Variants in AKAP12 observed in about 807,000 individuals in gnomAD.
The protein encoded by AKAP12 is A-kinase anchor protein 12.
In AKAP12, 32 loss-of-function variants were observed where a neutral mutation model predicts 79.9. The observed-to-expected ratio is 0.40, with a 90% CI of 0.30 to 0.54. The LOEUF (loss-of-function observed/expected upper bound fraction) is 0.54, where lower values mean the gene tolerates loss of function less well. Among genes scored for constraint, AKAP12 ranks in the 20% least tolerant of loss-of-function variants. The pLI is 0.48. For missense variants in AKAP12, 2,074 were observed against 2,177.0 expected (o/e 0.95, Z 0.94); for synonymous variants, 808 against 857.0 (o/e 0.94, Z 1.00).
intron 2 of AKAP12, among the ~76,000 whole-genome samples, chr6:151,256,962 A>ATATATATATATATATATATATATATATAT (rs1554319585): frequency 1.8e-4 from 27 of 151,130 alleles, no homozygotes; most frequent in African/African-American, 3.7e-4. Flanking sequence ...ATATATATAT[A>ATATATATATATATATATATATATATATAT]AACTTTAAAT....
In AKAP12 at chr6:151,351,063, T is replaced by A; in HGVS notation, c.2672T>A (p.Met891Lys). Reference sequence around the variant, plus strand: ...GAGCTCAGCGAGAGTCAGGTTCATATGATGGCAGCAGCTGTCGCTGACGGG... The same window carrying A: ...GAGCTCAGCGAGAGTCAGGTTCATAAGATGGCAGCAGCTGTCGCTGACGGG... ...SKELSESQVHMMAAAVADGTR... is the reference protein window; with the variant it reads ...SKELSESQVHKMAAAVADGTR... Residue 891 changes from methionine to lysine, a missense_variant, in exon 4 of 5, where the codon ATG (methionine) becomes AAG (lysine). By Grantham distance (95) the Met-to-Lys change is moderately conservative. Coordinates refer to ENST00000402676, the MANE Select transcript of AKAP12 (RefSeq NM_005100.4). This position sits in a 1 kb window ranked among gnomAD's most constrained non-coding sequence, Gnocchi z 4.4. 1 of 1,614,134 alleles carries A rather than the reference T, an allele frequency of 6.2e-7. No individual in the cohort carries two copies. The highest frequency in any genetic ancestry group is 8.5e-7 in the Non-Finnish European group (1 of 1,180,038).
At chr6:151,341,937 C>T (rs935326961) in intron 3 of AKAP12, among the ~76,000 whole-genome samples, 7 of 152,224 alleles carry the variant, frequency 4.6e-5, no homozygotes, top group African/African-American at 1.7e-4. Flanking sequence ...CTTGATCTTG[C>T]CCCAGCCCCC....
At chr6:151,296,682 C>T (rs146469388) in intron 2 of AKAP12, among the ~76,000 whole-genome samples, 98 of 152,244 alleles carry the variant, frequency 6.4e-4, no homozygotes, top group African/African-American at 2.3e-3. Context: ...GAGGCTGAAA[C>T]GGGAGAATCT....
At chr6:151,312,793 C>CAAAAAAAAAAAAAAAAAAAAAAAA (rs55685824) in intron 3 of AKAP12, among the ~76,000 whole-genome samples, 10 of 72,996 alleles carry the variant, frequency 1.4e-4, no homozygotes, top group East Asian at 7.8e-4. Flanking sequence ...ACTCTGTCTC[C>CAAAAAAAAAAAAAAAAAAAAAAAA]AAAAAAAAAA....
intron 3 of AKAP12, 42 bp downstream of exon 3, chr6:151,305,945 C>G (rs753676567): frequency 6.4e-7 from 1 of 1,559,940 alleles, no homozygotes; most frequent in Non-Finnish European, 8.7e-7. Context: ...ACAGCACTTG[C>G]AACAAACTTT....
At chr6:151,317,437 A>G (rs1777261734) in intron 3 of AKAP12, among the ~76,000 whole-genome samples, 1 of 152,206 alleles carries the variant, frequency 6.6e-6, no homozygotes, top group Admixed American at 6.5e-5. Context: ...ACATCTCCCG[A>G]GAAAATAACC....
intron 3 of AKAP12, among the ~76,000 whole-genome samples, chr6:151,314,967 G>T (rs1219643451): frequency 6.6e-6 from 1 of 151,362 alleles, no homozygotes; most frequent in African/African-American, 2.4e-5. Flanking sequence ...CAGGAGAATC[G>T]CTTGAACCCG....
chr6:151,301,003 G>C (rs746831506), intron 2 of AKAP12, among the ~76,000 whole-genome samples: 1 of 152,172 alleles, frequency 6.6e-6, no homozygotes, highest in Admixed American at 6.5e-5. Context: ...AAAGCTATGC[G>C]AGGAAGCTTC....
chr6:151,294,467 T>C (rs995891075), intron 2 of AKAP12, among the ~76,000 whole-genome samples: 5 of 152,216 alleles, frequency 3.3e-5, no homozygotes, highest in African/African-American at 1.2e-4. Context: ...AGACTTGGTC[T>C]AGGATTCACA....
In AKAP12 at chr6:151,352,257, A is replaced by C; in HGVS notation, c.3866A>C (p.Asp1289Ala). 6.2e-7 allele frequency: 1 copy of C among 1,614,216 alleles called. No homozygotes were observed. Among genetic ancestry groups the C allele is most frequent in the South Asian group, 1.1e-5 (1 of 91,076 alleles). Residue 1289 changes from aspartate to alanine, a missense_variant, in exon 4 of 5, where the codon GAC (aspartate) becomes GCC (alanine). By Grantham distance (126) the Asp-to-Ala change is moderately radical. Transcript: ENST00000402676. ...PFFEGLEGSI[D>A]TGITVSREKV... The stretch of plus-strand genomic sequence containing the variant: ...TTCGAAGGACTTGAGGGGTCTATAG[A>C]CACAGGCATAACAGTCAGTCGGGAA...
intron 2 of AKAP12, among the ~76,000 whole-genome samples, chr6:151,289,202 T>C (rs565041484): frequency 1.5e-4 from 23 of 152,278 alleles, no homozygotes; most frequent in Admixed American, 7.9e-4. Context: ...TCACTGCCCT[T>C]CTCCGACAGA....
rs1428688531 is a variant in AKAP12 at position 151,349,385 on chromosome 6, C to A, written c.994C>A (p.Pro332Thr). 1.2e-6 allele frequency: 2 copies of A among 1,613,598 alleles called. No individual in the cohort carries two copies. Among genetic ancestry groups the A allele is most frequent in the Middle Eastern group, 1.7e-4 (1 of 6,058 alleles). The change falls in exon 4 of 5, where the codon CCA becomes ACA. Residue 332 changes from proline (P) to threonine (T), a missense_variant. Physicochemically the swap from Pro to Thr is conservative, Grantham distance 38. This residue lies in a region of AKAP12 where 1,428 missense variants were observed against 1,451.0 expected (regional missense o/e 0.98). Transcript: ENST00000402676. Reference protein sequence around the residue: ...EASEKKKEQEPEKVDTEEDGK... With the variant: ...EASEKKKEQETEKVDTEEDGK... ...TTCAGAGAAGAAAAAGGAACAAGAG[C>A]CAGAAAAAGTAGACACAGAAGAAGA...
intron 3 of AKAP12, chr6:151,324,522 C>G: frequency 2.0e-6 from 2 of 985,412 alleles, no homozygotes; most frequent in South Asian, 9.4e-5. Context: ...CTTTGCTGTG[C>G]CCACTGTGGT....
chr6:151,313,057 A>G (rs978976667), intron 3 of AKAP12, among the ~76,000 whole-genome samples: 5 of 152,190 alleles, frequency 3.3e-5, no homozygotes, highest in Admixed American at 2.0e-4. Flanking sequence ...GTATCAATTC[A>G]TTTCCTGCTT....
At chr6:151,301,312 C>T (rs1334737328) in intron 2 of AKAP12, among the ~76,000 whole-genome samples, 2 of 152,176 alleles carry the variant, frequency 1.3e-5, no homozygotes, top group Non-Finnish European at 2.9e-5. Flanking sequence ...AATGTACCCA[C>T]AATGTATGAA....
chr6:151,295,056 A>AT (rs1285514572), intron 2 of AKAP12, among the ~76,000 whole-genome samples: 1 of 152,166 alleles, frequency 6.6e-6, no homozygotes, highest in East Asian at 1.9e-4. Flanking sequence ...TTCTGAGATA[A>AT]TGCGTGGTAT....
intron 3 of AKAP12, among the ~76,000 whole-genome samples, chr6:151,315,054 G>GAAAA (rs75653442): frequency 1.5e-4 from 19 of 129,372 alleles, no homozygotes; most frequent in African/African-American, 4.9e-4. Context: ...TCTGTCTCAA[G>GAAAA]AAAAAAAAAA....
intron 3 of AKAP12, chr6:151,325,584 G>A: frequency 1.5e-6 from 2 of 1,338,318 alleles, no homozygotes; most frequent in Non-Finnish European, 1.9e-6. Context: ...CTCAGCAAGG[G>A]AGGGGCCAGC....
At chr6:151,314,327 T>C (rs1777190515) in intron 3 of AKAP12, among the ~76,000 whole-genome samples, 1 of 152,140 alleles carries the variant, frequency 6.6e-6, no homozygotes, top group Non-Finnish European at 1.5e-5. Context: ...GCACCCGGCC[T>C]CTAATCTGAT....
Sources: allele counts gnomAD v4.1 joint callset (sites outside exome capture counted in the v4.1 genomes callset), GRCh38; gene constraint gnomAD v4.1.1; regional missense constraint gnomAD v4.1.1; non-coding constraint Gnocchi (gnomAD v3.1); transcripts MANE v1.5; gene names NCBI Gene and HGNC (gene_info 2026-07-23, HGNC 2026-07-21).